Variants in FLVCR2 observed in about 807,000 individuals in gnomAD.
FLVCR2 encodes FLVCR choline and putative heme transporter 2, also known as choline/ethanolamine transporter FLVCR2.
In FLVCR2, 38 loss-of-function variants were observed where a neutral mutation model predicts 48.9. The ratio of observed to expected loss-of-function variants is 0.78; its 90% confidence interval spans 0.60 to 1.02. FLVCR2 has a LOEUF of 1.02. FLVCR2 is among the 50% of genes least tolerant of loss of function. The pLI is 0.00. For missense variants in FLVCR2, 664 were observed against 663.3 expected (o/e 1.00, Z -0.01); for synonymous variants, 255 against 257.0 (o/e 0.99, Z 0.07).
chr14:75,642,917 A>G (rs774203422), intron 9 of FLVCR2, among the ~76,000 whole-genome samples: 5 of 152,170 alleles, frequency 3.3e-5, no homozygotes, highest in Admixed American at 6.5e-5. Context: ...GCTGGAATGC[A>G]GTGGTACAAT....
At chr14:75,637,728 C>CAAA (rs59847223) in intron 5 of FLVCR2, among the ~76,000 whole-genome samples, 3 of 84,060 alleles carry the variant, frequency 3.6e-5, no homozygotes, top group Non-Finnish European at 8.2e-5. Flanking sequence ...GACTCCATCT[C>CAAA]AAAAAAAAAA....
At chr14:75,603,170 GT>G (rs1343025987) in intron 1 of FLVCR2, among the ~76,000 whole-genome samples, 29 of 152,256 alleles carry the variant, frequency 1.9e-4, no homozygotes, top group African/African-American at 7.0e-4. Context: ...AAAGGGTGGG[GT>G]CCCTGGCGAG....
At position 75,602,769 on chromosome 14, in the gene FLVCR2, T is replaced by C. The variant is rs949489044; in HGVS notation, c.670-19310T>C. ...ATGGATGGAGGTGATGGTTGCACAA[T>C]AGTATGAATGTACTTAACGCTGCTG... On this transcript the variant is annotated intron_variant, in intron 1 of 9. Coordinates refer to ENST00000238667, the MANE Select transcript of FLVCR2 (RefSeq NM_017791.3). Among the ~76,000 whole-genome samples the C allele has an allele frequency of 2.6e-5, 4 of 152,140 alleles. 1 individual carries two copies. The highest frequency in any genetic ancestry group is 9.7e-5 in the African/African-American group (4 of 41,428).
intron 1 of FLVCR2, among the ~76,000 whole-genome samples, chr14:75,591,713 G>A (rs1888884191): frequency 6.6e-6 from 1 of 151,642 alleles, no homozygotes; most frequent in Admixed American, 6.6e-5. Flanking sequence ...TCACATTTCT[G>A]CTTGGCATTG....
At chr14:75,616,356 A>T (rs1038952757) in intron 1 of FLVCR2, among the ~76,000 whole-genome samples, 1 of 152,078 alleles carries the variant, frequency 6.6e-6, no homozygotes, top group African/African-American at 2.4e-5. Flanking sequence ...AATTTAAAAA[A>T]TAAAAATAGC....
At chr14:75,628,234 C>T (rs1889956387) in intron 3 of FLVCR2, among the ~76,000 whole-genome samples, 1 of 152,168 alleles carries the variant, frequency 6.6e-6, no homozygotes, top group African/African-American at 2.4e-5. Context: ...CTTGACTCAG[C>T]CTCCCGAGTA....
chr14:75,592,764 G>A (rs10150171), intron 1 of FLVCR2, among the ~76,000 whole-genome samples: 15,302 of 152,068 alleles, frequency 0.1, 1,309 homozygotes, highest in African/African-American at 0.22. Flanking sequence ...CGAGGTGGGC[G>A]GATCACCTGA....
intron 1 of FLVCR2, among the ~76,000 whole-genome samples, chr14:75,581,989 G>T (rs1357250827): frequency 1.3e-5 from 2 of 152,246 alleles, no homozygotes; most frequent in Non-Finnish European, 2.9e-5. Flanking sequence ...TTTGCCTTGT[G>T]TGGGAAGAGA....
intron 3 of FLVCR2, among the ~76,000 whole-genome samples, chr14:75,629,061 TCAA>T (rs1433444221): frequency 6.6e-6 from 1 of 151,966 alleles, no homozygotes; most frequent in African/African-American, 2.4e-5. Context: ...AGCTGATGAG[TCAA>T]CTGCCCAGAA....
Position 75,639,379 on chromosome 14 carries a change from G to A in FLVCR2, c.1152G>A (p.Met384Ile), listed in dbSNP as rs1566797470. Residue 384 changes from methionine (M) to isoleucine (I), a missense_variant, in exon 6 of 10, where the codon ATG (methionine) becomes ATA (isoleucine). Coordinates refer to ENST00000238667, the MANE Select transcript of FLVCR2 (RefSeq NM_017791.3). ...AGACAACCCTGGTAGTCTATATCAT[G>A]ACACTGGTGGGCATGGTGGTGTACA... ...YKETTLVVYI[M>I]TLVGMVVYTF... The A allele has an allele frequency of 6.2e-7, 1 of 1,613,894 alleles. No individual in the cohort carries two copies. Among genetic ancestry groups the A allele is most frequent in the Admixed American group, 1.7e-5 (1 of 60,016 alleles).
chr14:75,640,216 A>C (rs1402096767), intron 6 of FLVCR2, among the ~76,000 whole-genome samples: 1 of 148,346 alleles, frequency 6.7e-6, no homozygotes, highest in Admixed American at 6.9e-5. Flanking sequence ...CCAAGATCGA[A>C]CTACTGCACT....
chr14:75,642,868 C>CT (rs1004434380), intron 9 of FLVCR2, among the ~76,000 whole-genome samples: 16 of 151,426 alleles, frequency 1.1e-4, no homozygotes, highest in Non-Finnish European at 2.1e-4. Flanking sequence ...TTACAACATA[C>CT]TTTTTTTTTA....
At chr14:75,613,076 G>C (rs1322567662) in intron 1 of FLVCR2, among the ~76,000 whole-genome samples, 1 of 152,184 alleles carries the variant, frequency 6.6e-6, no homozygotes, top group East Asian at 1.9e-4. Flanking sequence ...GTGTGGGCAT[G>C]GGCAATGAGT....
chr14:75,632,397 A>G (rs572645386), intron 3 of FLVCR2, among the ~76,000 whole-genome samples: 2 of 152,194 alleles, frequency 1.3e-5, no homozygotes, highest in Non-Finnish European at 2.9e-5. Context: ...TTCTTGTGGG[A>G]AGCCATTCTT....
Position 75,607,221 on chromosome 14 carries a change from T to C in FLVCR2, c.670-14858T>C, listed in dbSNP as rs370605941. 9.2e-5 allele frequency among the ~76,000 whole-genome samples: 14 copies of C among 152,238 alleles called. No individual in the cohort carries two copies. The East Asian group carries it at 2.7e-3, about 29-fold the overall frequency. ...TTGCCATGAAAGCTAAATGAGGCAA[T>C]GTCTATGTGAAACAGCTCCTGGAAC... On this transcript the variant is annotated intron_variant, in intron 1 of 9. Coordinates refer to ENST00000238667, the MANE Select transcript of FLVCR2 (RefSeq NM_017791.3).
chr14:75,633,694 C>CG lies in FLVCR2; in HGVS notation c.1018_1019insG (p.Pro340ArgfsTer31). 6.2e-7 allele frequency: 1 copy of CG among 1,612,188 alleles called. No individual in the cohort carries two copies. The highest frequency in any genetic ancestry group is 1.1e-5 in the South Asian group (1 of 91,024). ...GAATCGCATGGTGATCTGGCACTAC[C>CG]CGGTAAGGGAGTTCCCTAAGCATGT... On this transcript the variant is annotated frameshift_variant and splice_region_variant, in exon 4 of 10. Coordinates refer to ENST00000238667, the MANE Select transcript of FLVCR2 (RefSeq NM_017791.3). LOFTEE classifies it high-confidence loss of function.
At chr14:75,641,129 T>C (rs1258868355) in intron 7 of FLVCR2, 53 bp from the exon 8 acceptor site, 1 of 1,552,440 alleles carries the variant, frequency 6.4e-7, no homozygotes, top group East Asian at 2.2e-5. Context: ...CAGTTCTTCC[T>C]CATGAGTTAG....
chr14:75,624,732 T>A lies in FLVCR2; in HGVS notation c.932T>A (p.Val311Glu). 1 of 1,614,174 alleles carries A rather than the reference T, an allele frequency of 6.2e-7. No individual in the cohort carries two copies. Among genetic ancestry groups the A allele is most frequent in the Non-Finnish European group, 8.5e-7 (1 of 1,180,022 alleles). Reference protein sequence around the residue: ...IARLFKNLNFVLLVITYGLNA... With the variant: ...IARLFKNLNFELLVITYGLNA... ...CGGCTCTTCAAAAATCTCAACTTTG[T>A]GCTGCTTGTCATCACCTATGGTAAG... The change falls in exon 3 of 10, where the codon GTG becomes GAG. Residue 311 changes from valine to glutamate, a missense_variant. Coordinates refer to ENST00000238667, the MANE Select transcript of FLVCR2 (RefSeq NM_017791.3).
intron 1 of FLVCR2, chr14:75,606,041 A>C: frequency 4.9e-6 from 1 of 203,732 alleles, no homozygotes; most frequent in Non-Finnish European, 1.0e-5. Context: ...GTTTTTTGAA[A>C]CAGTGTCTCA....
Sources: gnomAD v4.1 joint callset for allele counts (sites outside exome capture counted in the v4.1 genomes callset) on GRCh38, gnomAD v4.1.1 for gene constraint, MANE v1.5 for transcripts, NCBI Gene and HGNC (gene_info 2026-07-23, HGNC 2026-07-21) for gene names.